The following RALGPS2 variants were observed in gnomAD, a reference collection of about 807,000 sequenced individuals.
The protein encoded by RALGPS2 is ras-specific guanine nucleotide-releasing factor RalGPS2.
In RALGPS2, 43 loss-of-function variants were observed where a neutral mutation model predicts 86.8. The ratio of observed to expected loss-of-function variants is 0.50; its 90% CI spans 0.39 to 0.64. RALGPS2 has a LOEUF of 0.64. Ranked by LOEUF, RALGPS2 falls within the 30% of genes least tolerant of loss-of-function variation. RALGPS2 has a pLI of 0.00. For missense variants in RALGPS2, 536 were observed against 694.6 expected (o/e 0.77, Z 2.57); for synonymous variants, 243 against 231.3 (o/e 1.05, Z -0.46).
intron 1 of RALGPS2, among the ~76,000 whole-genome samples, chr1:178,733,936 A>G (rs1180306779): frequency 6.6e-6 from 1 of 152,236 alleles, no homozygotes; most frequent in Non-Finnish European, 1.5e-5. Context: ...TGAAAAGACA[A>G]TACACAGAAT....
chr1:178,770,345 A>G (rs1450729155), intron 1 of RALGPS2, among the ~76,000 whole-genome samples: 1 of 151,976 alleles, frequency 6.6e-6, no homozygotes, highest in East Asian at 1.9e-4. Context: ...TTTATGCACT[A>G]TCTTGATATT....
chr1:178,873,329 A>G (rs1658854122), intron 8 of RALGPS2, among the ~76,000 whole-genome samples: 1 of 152,220 alleles, frequency 6.6e-6, no homozygotes, highest in East Asian at 1.9e-4. Flanking sequence ...GAAAAAATGA[A>G]CAGAAACATT....
chr1:178,773,866 T>C (rs2102096903), intron 1 of RALGPS2, among the ~76,000 whole-genome samples: 1 of 152,322 alleles, frequency 6.6e-6, no homozygotes, highest in East Asian at 1.9e-4. Flanking sequence ...CTTTAAGGTA[T>C]GCTTTGCTAT....
chr1:178,871,808 A>G (rs1439016728), intron 8 of RALGPS2, among the ~76,000 whole-genome samples: 1 of 152,214 alleles, frequency 6.6e-6, no homozygotes, highest in Non-Finnish European at 1.5e-5. Context: ...GAACTGAGTA[A>G]AAAACAAGGA....
intron 8 of RALGPS2, 121 bp from the exon 9 acceptor site, chr1:178,877,377 A>G (rs1375339984): frequency 1.4e-6 from 2 of 1,398,810 alleles, no homozygotes; most frequent in Admixed American, 2.6e-5. Context: ...ATTAATAGCA[A>G]TATATTTTAA....
intron 8 of RALGPS2, among the ~76,000 whole-genome samples, chr1:178,847,215 G>A (rs1656909984): frequency 6.6e-6 from 1 of 152,242 alleles, no homozygotes; most frequent in Non-Finnish European, 1.5e-5. Context: ...GGAGGCCAAA[G>A]CAGGCGGATC....
chr1:178,912,717 C>T (rs1286445367), intron 19 of RALGPS2, among the ~76,000 whole-genome samples: 1 of 152,132 alleles, frequency 6.6e-6, no homozygotes, highest in Middle Eastern at 3.2e-3. Context: ...GTTTGCACAT[C>T]AACTTCTGTA....
At chr1:178,899,661 T>C (rs1268084011) in intron 17 of RALGPS2, among the ~76,000 whole-genome samples, 1 of 151,198 alleles carries the variant, frequency 6.6e-6, no homozygotes, top group Non-Finnish European at 1.5e-5. Context: ...TGGTTTTTTT[T>C]TTTGCCAAAA....
intron 2 of RALGPS2, among the ~76,000 whole-genome samples, chr1:178,784,026 A>C (rs1653523417): frequency 6.6e-6 from 1 of 152,144 alleles, no homozygotes; most frequent in African/African-American, 2.4e-5. Context: ...TTATAAAGCT[A>C]GTTTGTCTTT....
rs903120734 is a variant in RALGPS2, at chr1:178,881,935, C to G, written c.837-1531C>G. Among the ~76,000 whole-genome samples the G allele has an allele frequency of 2.0e-5, 3 of 152,164 alleles. No individual in the cohort carries two copies. The East Asian group carries it at 5.8e-4, about 29-fold the overall frequency. On this transcript the variant is annotated intron_variant, in intron 10 of 19. Coordinates refer to ENST00000367635, the MANE Select transcript of RALGPS2 (RefSeq NM_152663.5). ...GAAATGGCATGTCACTTACAAAAGG[C>G]CTGTTTTGGGCAACTTCATCTACAT...
At chr1:178,824,579 C>T (rs1397541020) in intron 7 of RALGPS2, among the ~76,000 whole-genome samples, 5 of 152,026 alleles carry the variant, frequency 3.3e-5, no homozygotes, top group Non-Finnish European at 5.9e-5. Context: ...GAGGCCAAGT[C>T]GGGCGGATCA....
At chr1:178,774,747 T>C (rs1652993680) in intron 1 of RALGPS2, among the ~76,000 whole-genome samples, 1 of 152,242 alleles carries the variant, frequency 6.6e-6, no homozygotes, top group African/African-American at 2.4e-5. Flanking sequence ...GTTTTAAAAC[T>C]TCATGATTTT....
At chr1:178,753,655 T>C (rs1191594879) in intron 1 of RALGPS2, 1 of 152,132 alleles carries the variant, frequency 6.6e-6, no homozygotes, top group Non-Finnish European at 1.5e-5. Flanking sequence ...CAAACAAAAA[T>C]GTTTGAGACC....
chr1:178,730,241 CCT>C (rs1206980842), intron 1 of RALGPS2, among the ~76,000 whole-genome samples: 1 of 152,076 alleles, frequency 6.6e-6, no homozygotes, highest in African/African-American at 2.4e-5. Flanking sequence ...CATGCCTGGC[CCT>C]GTTTTTCAGT....
chr1:178,790,429 T>G (rs1653896783), intron 4 of RALGPS2, among the ~76,000 whole-genome samples: 1 of 152,246 alleles, frequency 6.6e-6, no homozygotes, highest in African/African-American at 2.4e-5. Flanking sequence ...TAACCAGTAC[T>G]GAGAAAGGCT....
intron 1 of RALGPS2, among the ~76,000 whole-genome samples, chr1:178,729,716 T>G (rs1340597537): frequency 1.3e-5 from 2 of 152,126 alleles, no homozygotes; most frequent in Admixed American, 6.5e-5. Flanking sequence ...ATGCAAGTCT[T>G]CCAAAATCTG....
chr1:178,768,530 A>G (rs1652625240), intron 1 of RALGPS2, among the ~76,000 whole-genome samples: 1 of 152,188 alleles, frequency 6.6e-6, no homozygotes, highest in African/African-American at 2.4e-5. Flanking sequence ...GATGGCGCTT[A>G]CGGGTAAGAG....
chr1:178,853,512 T>C (rs1657320831), intron 8 of RALGPS2: 2 of 1,130,912 alleles, frequency 1.8e-6, no homozygotes, highest in African/African-American at 1.6e-5. Flanking sequence ...GTGTGTCTTA[T>C]TTATTGCATA....
chr1:178,755,263 T>G (rs572700143), intron 1 of RALGPS2, among the ~76,000 whole-genome samples: 2 of 152,190 alleles, frequency 1.3e-5, no homozygotes, highest in Non-Finnish European at 2.9e-5. Flanking sequence ...ATGCTGAGGT[T>G]TGGGGTATGA....
Sources: gnomAD v4.1 joint callset for allele counts (sites outside exome capture counted in the v4.1 genomes callset) on GRCh38, gnomAD v4.1.1 for gene constraint, MANE v1.5 for transcripts, NCBI Gene and HGNC (gene_info 2026-07-23, HGNC 2026-07-21) for gene names.